SAP130: variants seen among roughly 807,000 people sequenced by gnomAD.
The protein encoded by SAP130 is Sin3A associated protein 130.
A neutral mutation model predicts 103.2 loss-of-function variants in SAP130; 16 were observed. The observed-to-expected ratio is 0.16, with a 90% CI of 0.10 to 0.24. SAP130 has a LOEUF of 0.24. Among genes scored for constraint, SAP130 ranks in the 10% least tolerant of loss-of-function variants. The pLI is 1.00. For missense variants in SAP130, 990 were observed against 1,359.7 expected (o/e 0.73, Z 4.28); for synonymous variants, 477 against 497.0 (o/e 0.96, Z 0.53).
intron 1 of SAP130, chr2:128,027,246 G>A: frequency 1.7e-6 from 2 of 1,189,396 alleles, no homozygotes; most frequent in Non-Finnish European, 2.1e-6. Context: ...CAGCCCCGCT[G>A]GCCCCACTCA....
chr2:127,951,945 C>T (rs1212329927), intron 16 of SAP130, among the ~76,000 whole-genome samples: 4 of 152,142 alleles, frequency 2.6e-5, no homozygotes, highest in Admixed American at 2.0e-4. Context: ...CAAGTCCCAC[C>T]ACCTTATCTC....
At chr2:127,957,162 T>C (rs1013262142) in intron 15 of SAP130, among the ~76,000 whole-genome samples, 3 of 151,838 alleles carry the variant, frequency 2.0e-5, no homozygotes, top group Non-Finnish European at 4.4e-5. Flanking sequence ...ATTAGCCAGG[T>C]GCACTGGCAT....
Position 127,950,406 on chromosome 2 carries a change from C to G in SAP130, c.2425G>C (p.Val809Leu). 1 of 1,614,138 alleles carries G rather than the reference C, an allele frequency of 6.2e-7. No homozygotes were observed. Among genetic ancestry groups the G allele is most frequent in the Non-Finnish European group, 8.5e-7 (1 of 1,179,984 alleles). The change falls in exon 17 of 21, where the codon GTT (valine) becomes CTT (leucine). Residue 809 changes from valine to leucine, a missense_variant and splice_region_variant. This residue lies in a region of SAP130 where 349 missense variants were observed against 384.1 expected (regional missense o/e 0.91). Coordinates refer to ENST00000643581, the MANE Select transcript of SAP130 (RefSeq NM_001330301.2). ...ACAGTGTTGGTAGCCAGTGGAGGAA[C>G]TGCTGTCATAGGAAAAGGAGCACAC... ...PMDIMRPVSA[V>L]PPLATNTVSP...
intron 16 of SAP130, among the ~76,000 whole-genome samples, chr2:127,951,308 T>C (rs1301402459): frequency 6.6e-6 from 1 of 152,198 alleles, no homozygotes; most frequent in East Asian, 1.9e-4. Context: ...TCACCTTAAC[T>C]CTTATTTTCA....
chr2:128,003,157 G>T (rs1683693238), intron 7 of SAP130, among the ~76,000 whole-genome samples: 1 of 151,634 alleles, frequency 6.6e-6, no homozygotes, highest in South Asian at 2.1e-4. Flanking sequence ...CCAGCAAAAA[G>T]GGGTTCTCAC....
chr2:128,014,001 T>C (rs1684581608), intron 5 of SAP130, among the ~76,000 whole-genome samples: 1 of 152,200 alleles, frequency 6.6e-6, no homozygotes, highest in Non-Finnish European at 1.5e-5. Context: ...ATTTGTGACT[T>C]ATGTATTAAA....
chr2:127,966,715 G>C (rs1380480127), intron 15 of SAP130, among the ~76,000 whole-genome samples: 1 of 149,914 alleles, frequency 6.7e-6, no homozygotes, highest in Admixed American at 6.6e-5. Flanking sequence ...TGAAAAGAAA[G>C]AAAAAGGACC....
Position 127,993,302 on chromosome 2 carries a change from A to C in SAP130, c.1362T>G (p.Ser454=). Residue 454 remains serine (S), a synonymous_variant, in exon 12 of 21, where the codon TCT becomes TCG. Transcript: ENST00000643581. ...AAAAATATTGGAACTGAACGGGAACAGACGGTCTAGAGACAGAACAGATGA... is the reference window on the plus strand; with the variant it reads ...AAAAATATTGGAACTGAACGGGAACCGACGGTCTAGAGACAGAACAGATGA... ...AMETRSDNRP[S]VPVQFQYFLP... is the part of the protein sequence containing the mutation. 6.2e-7 allele frequency: 1 copy of C among 1,612,728 alleles called. No individual in the cohort carries two copies. The highest frequency in any genetic ancestry group is 8.5e-7 in the Non-Finnish European group (1 of 1,179,604).
At chr2:128,011,335 CTCCACACTGGGCTTCA>C (rs1168617304) in intron 6 of SAP130, among the ~76,000 whole-genome samples, 1 of 152,216 alleles carries the variant, frequency 6.6e-6, no homozygotes, top group African/African-American at 2.4e-5. Context: ...AAAAAATAAG[CTCCACACTGGGCTTCA>C]TCCACATACC....
chr2:128,017,621 A>G, intron 3 of SAP130, 59 bp downstream of exon 3: 1 of 1,397,344 alleles, frequency 7.2e-7, no homozygotes, highest in South Asian at 1.2e-5. Context: ...ACAAATTGTT[A>G]CAAACATTAG....
At chr2:127,971,190 C>T (rs557223459) in intron 15 of SAP130, among the ~76,000 whole-genome samples, 7 of 152,080 alleles carry the variant, frequency 4.6e-5, no homozygotes, top group African/African-American at 1.4e-4. Context: ...CGGGCTCCCC[C>T]CATCTGTTGA....
In SAP130 at chr2:127,996,419, C is replaced by T; in HGVS notation, c.1286G>A (p.Ser429Asn). Residue 429 changes from serine (S) to asparagine (N), a missense_variant, in exon 11 of 21, where the codon AGC becomes AAC. This residue lies in a region of SAP130 where 336 missense variants were observed against 520.1 expected (regional missense o/e 0.65). Coordinates refer to ENST00000643581, the MANE Select transcript of SAP130 (RefSeq NM_001330301.2). The surrounding 1 kb of genome is among the most constrained non-coding windows in gnomAD (Gnocchi z 4.3). ...CCGATGTCCGGAGATGGGAATCAGG[C>T]TACTCCTCTCGGCAGGGTAGTCTGG... Reference protein sequence around the residue: ...IQPDYPAERSSLIPISGHRAS... With the variant: ...IQPDYPAERSNLIPISGHRAS... 1 of 1,610,772 alleles carries T rather than the reference C, an allele frequency of 6.2e-7. No homozygotes were observed.
rs1296585268 is a variant in SAP130 at position 127,986,876 on chromosome 2, G to T, written c.1867C>A (p.Gln623Lys). ...GTGCTAGCACTCTGGCTGTGGGTCTGCACCACGGTTGTTGCTGCTGGAGCA... is the reference window on the plus strand; with the variant it reads ...GTGCTAGCACTCTGGCTGTGGGTCTTCACCACGGTTGTTGCTGCTGGAGCA... ...SAAPAATTVVQTHSQSASTNA... is the reference protein window; with the variant it reads ...SAAPAATTVVKTHSQSASTNA... The change falls in exon 14 of 21, where the codon CAG (glutamine) becomes AAG (lysine). Residue 623 changes from glutamine to lysine, a missense_variant. Gln to Lys is a moderately conservative substitution (Grantham distance 53, BLOSUM62 1). Around this residue, in one of 6 missense-constraint regions of SAP130, gnomAD observed 349 missense variants for 384.1 expected, o/e 0.91. Coordinates refer to ENST00000643581, the MANE Select transcript of SAP130 (RefSeq NM_001330301.2). The surrounding 1 kb of genome is among the most constrained non-coding windows in gnomAD (Gnocchi z 4.7). 6 of 1,614,258 alleles carry T rather than the reference G, an allele frequency of 3.7e-6. No homozygotes were observed. Among genetic ancestry groups the T allele is most frequent in the Non-Finnish European group, 5.1e-6 (6 of 1,180,040 alleles).
At chr2:127,943,702 A>G (rs978050299) in intron 19 of SAP130, among the ~76,000 whole-genome samples, 5 of 152,260 alleles carry the variant, frequency 3.3e-5, no homozygotes, top group African/African-American at 1.2e-4. Flanking sequence ...ACATGAATGC[A>G]GTCTACCAGG....
intron 15 of SAP130, among the ~76,000 whole-genome samples, chr2:127,972,182 AAG>A (rs1421129926): frequency 5.9e-5 from 9 of 152,232 alleles, no homozygotes; most frequent in African/African-American, 2.2e-4. Context: ...GAGTCTAAAA[AAG>A]AGACCCTGCT....
chr2:127,993,833 A>G (rs1682983882), intron 11 of SAP130, among the ~76,000 whole-genome samples: 1 of 152,208 alleles, frequency 6.6e-6, no homozygotes, highest in African/African-American at 2.4e-5. Context: ...ATGGTACACT[A>G]TAACCTTGAA....
intron 15 of SAP130, among the ~76,000 whole-genome samples, chr2:127,965,045 C>T (rs1330639410): frequency 6.8e-6 from 1 of 147,596 alleles, no homozygotes; most frequent in East Asian, 2.0e-4. Context: ...GCCTGTAATC[C>T]CAGCCCTTTG....
chr2:127,999,731 G>A lies in SAP130; in HGVS notation c.1213+10C>T. The A allele has an allele frequency of 6.7e-7, 1 of 1,484,684 alleles. No homozygotes were observed. The highest frequency in any genetic ancestry group is 9.0e-7 in the Non-Finnish European group (1 of 1,110,598). The allele number at this position is 1,484,684 out of a possible 1,614,324, so 92.0% of individuals were successfully genotyped here. Reference sequence around the variant, plus strand: ...GGTAAGCTTCTGTCCGAAGGCAGCAGGCCACTTACCGACTGGGATGTTTGA... The same window carrying A: ...GGTAAGCTTCTGTCCGAAGGCAGCAAGCCACTTACCGACTGGGATGTTTGA... On this transcript the variant is annotated intron_variant, in intron 10 of 20. Coordinates refer to ENST00000643581, the MANE Select transcript of SAP130 (RefSeq NM_001330301.2).
intron 2 of SAP130, among the ~76,000 whole-genome samples, chr2:128,018,743 G>A (rs992335733): frequency 1.1e-4 from 17 of 151,364 alleles, no homozygotes; most frequent in African/African-American, 4.1e-4. Context: ...AGTGAGCCAA[G>A]CCATGATTGT....
Sources: allele counts gnomAD v4.1 joint callset (sites outside exome capture counted in the v4.1 genomes callset), GRCh38; gene constraint gnomAD v4.1.1; regional missense constraint gnomAD v4.1.1; non-coding constraint Gnocchi (gnomAD v3.1); transcripts MANE v1.5; gene names NCBI Gene and HGNC (gene_info 2026-07-23, HGNC 2026-07-21).